The following CNTN5 variants were observed in gnomAD, a reference collection of about 807,000 sequenced individuals.
CNTN5 encodes contactin-5.
In CNTN5, 77 loss-of-function variants were observed where a neutral mutation model predicts 129.1. The observed-to-expected ratio is 0.60, with a 90% CI of 0.50 to 0.72. The LOEUF (loss-of-function observed/expected upper bound fraction) is 0.72. Among genes scored for constraint, CNTN5 ranks in the 30% least tolerant of loss-of-function variants. CNTN5 has a pLI of 0.00. For missense variants in CNTN5, 1,478 were observed against 1,328.8 expected, an observed-to-expected ratio of 1.11 and a Z score of -1.75; for synonymous variants, 509 against 465.6, an observed-to-expected ratio of 1.09 and a Z score of -1.20.
intron 16 of CNTN5, among the ~76,000 whole-genome samples, chr11:100,254,542 A>C (rs890317033): frequency 6.6e-6 from 1 of 152,096 alleles, no homozygotes; most frequent in Admixed American, 6.6e-5. Context: ...CTATATCTTT[A>C]GTCTCTTGCA....
intron 1 of CNTN5, among the ~76,000 whole-genome samples, chr11:99,201,398 CCCTT>C (rs1261263614): frequency 3.4e-5 from 4 of 119,252 alleles, no homozygotes; most frequent in South Asian, 2.7e-4. Flanking sequence ...TTCCTTCCTT[CCCTT>C]CTTTCTTCCT....
At chr11:99,324,862 C>T (rs1017931810) in intron 1 of CNTN5, among the ~76,000 whole-genome samples, 11 of 152,076 alleles carry the variant, frequency 7.2e-5, no homozygotes, top group Admixed American at 5.9e-4. Context: ...AGGATGGTCT[C>T]GATCTCCTGA....
intron 17 of CNTN5, among the ~76,000 whole-genome samples, chr11:100,264,823 G>A (rs1027706655): frequency 6.6e-6 from 1 of 152,036 alleles, no homozygotes; most frequent in Non-Finnish European, 1.5e-5. Flanking sequence ...CTTCCCCAAG[G>A]GTCGAGCTAA....
intron 13 of CNTN5, among the ~76,000 whole-genome samples, chr11:100,115,878 G>A (rs1591272106): frequency 6.6e-6 from 1 of 152,074 alleles, no homozygotes; most frequent in East Asian, 1.9e-4. Flanking sequence ...ATATGGCCCA[G>A]TGAGGTGTGC....
At chr11:99,075,853 A>G (rs1021049572) in intron 1 of CNTN5, among the ~76,000 whole-genome samples, 3 of 152,200 alleles carry the variant, frequency 2.0e-5, no homozygotes, top group Admixed American at 6.6e-5. Flanking sequence ...AGATATTTTT[A>G]TATTTCCAAA....
intron 3 of CNTN5, among the ~76,000 whole-genome samples, chr11:99,643,668 T>C (rs1951849346): frequency 6.6e-6 from 1 of 152,162 alleles, no homozygotes; most frequent in East Asian, 1.9e-4. Context: ...GGGCTCTTAC[T>C]GTTATTCCAC....
In CNTN5 at chr11:99,710,388, A is replaced by G. The variant is rs540322830; in HGVS notation, c.56-109156A>G. Among the ~76,000 whole-genome samples, 339 of 151,960 alleles carry G rather than the reference A, an allele frequency of 2.2e-3. 2 individuals carry two copies. Among genetic ancestry groups the G allele is most frequent in the Non-Finnish European group, 1.1e-3 (72 of 67,854 alleles). ...CTAAATAATCTCATAAAACTACTAC[A>G]GCCATACTGTTGTAGCATTAAGTGA... On this transcript the variant is annotated intron_variant, in intron 3 of 24. Transcript: ENST00000524871.
intron 20 of CNTN5, among the ~76,000 whole-genome samples, chr11:100,301,289 A>T (rs1951214160): frequency 6.6e-6 from 1 of 151,616 alleles, no homozygotes; most frequent in Non-Finnish European, 1.5e-5. Context: ...GCTGCCTTTA[A>T]GAAATTCAGC....
intron 8 of CNTN5, among the ~76,000 whole-genome samples, chr11:99,959,768 A>G (rs1950893123): frequency 6.6e-6 from 1 of 152,222 alleles, no homozygotes; most frequent in African/African-American, 2.4e-5. Context: ...TAAGGTTGAC[A>G]TTTAACAAAA....
chr11:99,938,243 A>G (rs1372926335), intron 7 of CNTN5, among the ~76,000 whole-genome samples: 1 of 152,156 alleles, frequency 6.6e-6, no homozygotes, highest in Non-Finnish European at 1.5e-5. Context: ...CTAGGATTCT[A>G]GTTATAAACC....
At chr11:99,869,432 G>T (rs921473817) in intron 6 of CNTN5, among the ~76,000 whole-genome samples, 2 of 151,988 alleles carry the variant, frequency 1.3e-5, no homozygotes, top group African/African-American at 4.8e-5. Context: ...ACATTAAAGA[G>T]ACCCTAACTT....
chr11:99,317,666 A>G (rs1865397396), intron 1 of CNTN5, among the ~76,000 whole-genome samples: 6 of 152,148 alleles, frequency 3.9e-5, no homozygotes, highest in Admixed American at 3.9e-4. Context: ...AGGAGCCACG[A>G]TGCACTGATA....
Position 100,357,462 on chromosome 11 carries a change from G to C in CNTN5, c.*1242G>C, listed in dbSNP as rs1452735251. On this transcript the variant is annotated 3_prime_UTR_variant, in exon 25 of 25. Transcript: ENST00000524871. ...GTCATCTTGAGCCTGAGAGATCCTA[G>C]AGAGTTGTTGGAAAATGAGATGAAA... 1 of 151,644 alleles carries C rather than the reference G, an allele frequency of 6.6e-6. No homozygotes were observed. Among genetic ancestry groups the C allele is most frequent in the Non-Finnish European group, 1.5e-5 (1 of 67,762 alleles). The allele number at this position is 151,644 out of a possible 1,614,324, so 9.4% of individuals were successfully genotyped here. A position where few individuals can be genotyped will look rare whatever the true frequency, so the allele number is the denominator to read the frequency against.
intron 9 of CNTN5, among the ~76,000 whole-genome samples, chr11:100,040,099 T>A (rs1176120003): frequency 6.6e-6 from 1 of 152,148 alleles, no homozygotes; most frequent in African/African-American, 2.4e-5. Flanking sequence ...TCTTTGTGGT[T>A]TTATCTACCT....
chr11:100,099,328 T>C (rs1048141250), intron 13 of CNTN5, among the ~76,000 whole-genome samples: 8 of 151,956 alleles, frequency 5.3e-5, no homozygotes, highest in African/African-American at 1.9e-4. Flanking sequence ...TTGGACACCC[T>C]AGGGAAAGGG....
rs548169521 is a variant in CNTN5, at chr11:100,346,632, A to G, written c.3031-4070A>G. Among the ~76,000 whole-genome samples, 11 of 152,230 alleles carry G rather than the reference A, an allele frequency of 7.2e-5. No homozygotes were observed. In the South Asian group the frequency reaches 1.9e-3, roughly 26 times the overall value. ...TTAGTTTTCAAATCTGTATCTAGAA[A>G]ATAGCCTTTCCTAGATATACAACCC... is the stretch of plus-strand genomic sequence containing the variant. On this transcript the variant is annotated intron_variant, in intron 23 of 24. Transcript: ENST00000524871.
At chr11:99,114,358 C>T (rs567649835) in intron 1 of CNTN5, among the ~76,000 whole-genome samples, 2 of 151,906 alleles carry the variant, frequency 1.3e-5, no homozygotes, top group Non-Finnish European at 2.9e-5. Context: ...AAATCATGAA[C>T]CTGACAACCT....
intron 13 of CNTN5, among the ~76,000 whole-genome samples, chr11:100,166,048 G>A (rs1947622952): frequency 6.6e-6 from 1 of 151,646 alleles, no homozygotes; most frequent in Non-Finnish European, 1.5e-5. Flanking sequence ...AATGATTGGT[G>A]TTGGCTGCTT....
chr11:99,961,842 G>A (rs1565726239), intron 8 of CNTN5, among the ~76,000 whole-genome samples: 1 of 152,052 alleles, frequency 6.6e-6, no homozygotes. Flanking sequence ...CCAAAGCAGA[G>A]CCTGGTCATC....
Sources: allele counts gnomAD v4.1 joint callset (sites outside exome capture counted in the v4.1 genomes callset), GRCh38; gene constraint gnomAD v4.1.1; transcripts MANE v1.5; gene names NCBI Gene and HGNC (gene_info 2026-07-23, HGNC 2026-07-21).